KCNK10: variants seen among roughly 807,000 people sequenced by gnomAD.
The protein encoded by KCNK10 is potassium channel subfamily K member 10.
Under a neutral mutation model 47.7 loss-of-function variants are expected in KCNK10, and 25 were observed. That is an observed-to-expected ratio of 0.52 (90% CI 0.38 to 0.73). The LOEUF is 0.73. Ranked by LOEUF, KCNK10 falls within the 30% of genes least tolerant of loss-of-function variation. KCNK10 has a pLI of 0.00. For missense variants in KCNK10, 563 were observed against 714.5 expected (o/e 0.79, Z 2.42); for synonymous variants, 303 against 285.6 (o/e 1.06, Z -0.61).
chr14:88,279,363 ACG>A (rs1491123159), intron 1 of KCNK10, among the ~76,000 whole-genome samples: 1 of 113,338 alleles, frequency 8.8e-6, no homozygotes, highest in African/African-American at 3.1e-5. Flanking sequence ...ATTGCCAGAT[ACG>A]TGTGTGTGTG....
rs111930512 is a variant in KCNK10, at chr14:88,185,285, G to A, written c.*250C>T. 1,465 of 487,544 alleles carry A rather than the reference G, an allele frequency of 3.0e-3. 21 individuals are homozygous for A. Among genetic ancestry groups the A allele is most frequent in the African/African-American group, 0.026 (1,347 of 51,424 alleles). 30.2% of individuals were successfully genotyped at this position (487,544 alleles called of 1,614,324 possible). On this transcript the variant is annotated 3_prime_UTR_variant, in exon 7 of 7. Coordinates refer to ENST00000319231, the MANE Select transcript of KCNK10 (RefSeq NM_138317.3). This position sits in a 1 kb window ranked among gnomAD's most constrained non-coding sequence, Gnocchi z 4.3. ...CCACTGAAATGCCCTTAACATGTAC[G>A]GCCAGAACCGGCTACGTGCACGGAC...
In KCNK10 at chr14:88,263,294, T is replaced by C. The variant is rs1452258762; in HGVS notation, c.310A>G (p.Ser104Gly). The stretch of plus-strand genomic sequence containing the variant: ...AAGGCGATGGTATTCTTCTGGCTGC[T>C]CTCAAAGGGCTGCTCCAATGCCCGG... ...VFRALEQPFE[S>G]SQKNTIALEK... The change falls in exon 2 of 7, where the codon AGC becomes GGC. Residue 104 changes from serine (S) to glycine (G), a missense_variant. Coordinates refer to ENST00000319231, the MANE Select transcript of KCNK10 (RefSeq NM_138317.3). 6.2e-7 allele frequency: 1 copy of C among 1,614,100 alleles called. No individual in the cohort carries two copies. Among genetic ancestry groups the C allele is most frequent in the Non-Finnish European group, 8.5e-7 (1 of 1,180,040 alleles).
chr14:88,201,759 C>T (rs1015913201), intron 4 of KCNK10, among the ~76,000 whole-genome samples: 1 of 152,080 alleles, frequency 6.6e-6, no homozygotes, highest in Non-Finnish European at 1.5e-5. Flanking sequence ...ATTTTTTCCT[C>T]TTAAAACAAT....
chr14:88,223,364 T>C (rs1885881032), intron 4 of KCNK10, among the ~76,000 whole-genome samples: 1 of 151,184 alleles, frequency 6.6e-6, no homozygotes, highest in East Asian at 2.0e-4. Context: ...TAAACTGGCA[T>C]GTATGTTACC....
Position 88,185,490 on chromosome 14 carries a change from C to CAT in KCNK10, c.*44_*45insAT. The CAT allele has an allele frequency of 6.4e-7, 1 of 1,573,794 alleles. No homozygotes were observed. The highest frequency in any genetic ancestry group is 1.2e-5 in the South Asian group (1 of 83,210). On this transcript the variant is annotated 3_prime_UTR_variant, in exon 7 of 7. Coordinates refer to ENST00000319231, the MANE Select transcript of KCNK10 (RefSeq NM_138317.3). The surrounding 1 kb of genome is among the most constrained non-coding windows in gnomAD (Gnocchi z 4.3). ...TCAGTGTGAATATTAAAAACACACA[C>CAT]ACACACACACACAACGCTCAGTCCA...
At chr14:88,194,576 A>G (rs1884848527) in intron 4 of KCNK10, among the ~76,000 whole-genome samples, 1 of 152,204 alleles carries the variant, frequency 6.6e-6, no homozygotes, top group Non-Finnish European at 1.5e-5. Context: ...GCAAAAGAGG[A>G]CTGCAAGTAC....
chr14:88,239,701 A>G (rs537778600), intron 3 of KCNK10, among the ~76,000 whole-genome samples: 2 of 152,078 alleles, frequency 1.3e-5, no homozygotes, highest in South Asian at 4.2e-4. Flanking sequence ...TCTACTAAAA[A>G]TACAAAAATT....
Position 88,185,854 on chromosome 14 carries a change from T to C in KCNK10, c.1313A>G (p.Lys438Arg). 5.0e-6 allele frequency: 8 copies of C among 1,614,184 alleles called. No homozygotes were observed. The highest frequency in any genetic ancestry group is 6.8e-6 in the Non-Finnish European group (8 of 1,180,028). Residue 438 changes from lysine (K) to arginine (R), a missense_variant, in exon 7 of 7, where the codon AAG becomes AGG. Coordinates refer to ENST00000319231, the MANE Select transcript of KCNK10 (RefSeq NM_138317.3). This position sits in a 1 kb window ranked among gnomAD's most constrained non-coding sequence, Gnocchi z 4.3. ...GTCCTCGGACGCACCCTGCCCATGCTTGTTCAGCTGCTCCGGCCCCTTCAG... is the reference window on the plus strand; with the variant it reads ...GTCCTCGGACGCACCCTGCCCATGCCTGTTCAGCTGCTCCGGCCCCTTCAG... ...LRLKGPEQLN[K>R]HGQGASEDNI...
intron 1 of KCNK10, among the ~76,000 whole-genome samples, chr14:88,293,906 T>C (rs1383702894): frequency 6.6e-6 from 1 of 152,108 alleles, no homozygotes; most frequent in African/African-American, 2.4e-5. Flanking sequence ...CACTAACTCC[T>C]GGCCACAAGC....
chr14:88,187,924 A>G, intron 6 of KCNK10, 43 bp downstream of exon 6: 1 of 1,609,784 alleles, frequency 6.2e-7, no homozygotes, highest in Non-Finnish European at 8.5e-7. Flanking sequence ...ACACAAGCTC[A>G]TCTGTTCTCA....
intron 4 of KCNK10, among the ~76,000 whole-genome samples, chr14:88,223,003 T>C (rs1885867017): frequency 6.6e-6 from 1 of 152,024 alleles, no homozygotes; most frequent in Non-Finnish European, 1.5e-5. Flanking sequence ...AGTATGAAAA[T>C]TGTCAGAATC....
At chr14:88,234,770 T>C (rs1283141557) in intron 3 of KCNK10, among the ~76,000 whole-genome samples, 1 of 152,178 alleles carries the variant, frequency 6.6e-6, no homozygotes, top group African/African-American at 2.4e-5. Flanking sequence ...ACTTCACAAT[T>C]GTATGTGGGC....
intron 3 of KCNK10, among the ~76,000 whole-genome samples, chr14:88,235,901 C>T (rs1487423575): frequency 2.0e-5 from 3 of 152,116 alleles, no homozygotes; most frequent in Non-Finnish European, 4.4e-5. Context: ...TATTTTAAGT[C>T]ACTGAACAAA....
intron 1 of KCNK10, among the ~76,000 whole-genome samples, chr14:88,284,498 C>A (rs1335088872): frequency 6.6e-6 from 1 of 152,148 alleles, no homozygotes; most frequent in Non-Finnish European, 1.5e-5. Context: ...CGTAGGGAAG[C>A]CGACAGTGCA....
Position 88,286,339 on chromosome 14 carries a change from T to C in KCNK10, c.53-22788A>G, listed in dbSNP as rs531753507. ...TAATAAAATGCTTGTTTTATGCCAA[T>C]AAGTTGGGATGGCTATGCAGCAATC... On this transcript the variant is annotated intron_variant, in intron 1 of 6. Transcript: ENST00000319231. 7.2e-5 allele frequency among the ~76,000 whole-genome samples: 11 copies of C among 152,304 alleles called. No individual in the cohort carries two copies. In the East Asian group the frequency reaches 2.1e-3, roughly 29 times the overall value.
intron 1 of KCNK10, among the ~76,000 whole-genome samples, chr14:88,263,968 C>T (rs1566707743): frequency 6.6e-6 from 1 of 152,062 alleles, no homozygotes; most frequent in Non-Finnish European, 1.5e-5. Context: ...GAGGGATAAC[C>T]AACTACTCTA....
intron 1 of KCNK10, among the ~76,000 whole-genome samples, chr14:88,289,527 C>T (rs1887833830): frequency 6.6e-6 from 1 of 152,252 alleles, no homozygotes; most frequent in Non-Finnish European, 1.5e-5. Flanking sequence ...CATCAGCCTC[C>T]TCTGGGAGCT....
At position 88,185,154 on chromosome 14, in the gene KCNK10, A is replaced by C; in HGVS notation, c.*381T>G. 1 of 219,154 alleles carries C rather than the reference A, an allele frequency of 4.6e-6. No homozygotes were observed. Among genetic ancestry groups the C allele is most frequent in the Non-Finnish European group, 9.1e-6 (1 of 109,444 alleles). The allele number at this position is 219,154 out of a possible 1,614,324, so 13.6% of individuals were successfully genotyped here. ...TTCTGTGTGTGCACATATTACTACG[A>C]CTCCACTAAAAAGACACACCTGTTT... On this transcript the variant is annotated 3_prime_UTR_variant, in exon 7 of 7. Coordinates refer to ENST00000319231, the MANE Select transcript of KCNK10 (RefSeq NM_138317.3). This position sits in a 1 kb window ranked among gnomAD's most constrained non-coding sequence, Gnocchi z 4.3.
At chr14:88,285,104 T>C (rs1463802451) in intron 1 of KCNK10, among the ~76,000 whole-genome samples, 1 of 152,140 alleles carries the variant, frequency 6.6e-6, no homozygotes, top group Non-Finnish European at 1.5e-5. Context: ...TTGTTTTAAA[T>C]AGTGTTTGTT....
Sources: gnomAD v4.1 joint callset for allele counts (sites outside exome capture counted in the v4.1 genomes callset) on GRCh38, gnomAD v4.1.1 for gene constraint, Gnocchi (gnomAD v3.1) non-coding constraint, MANE v1.5 for transcripts, NCBI Gene and HGNC (gene_info 2026-07-23, HGNC 2026-07-21) for gene names.